SENP6: variants seen among roughly 807,000 people sequenced by gnomAD.
The protein encoded by SENP6 is SUMO specific peptidase 6, also known as sentrin-specific protease 6.
In SENP6, 41 loss-of-function variants were observed where a neutral mutation model predicts 134.5. The ratio of observed to expected loss-of-function variants is 0.30; its 90% CI spans 0.24 to 0.40. SENP6 has a LOEUF of 0.40. SENP6 is among the 10% of genes least tolerant of loss of function. The probability of loss-of-function intolerance (pLI) is 1.00; values close to 1 mark genes in which losing one functional copy is unlikely to be tolerated. For missense variants in SENP6, 1,248 were observed against 1,312.5 expected (o/e 0.95, Z 0.76); for synonymous variants, 395 against 429.8 (o/e 0.92, Z 1.00).
chr6:75,603,885 G>A (rs1238597422), intron 1 of SENP6, among the ~76,000 whole-genome samples: 6 of 152,192 alleles, frequency 3.9e-5, no homozygotes, highest in Non-Finnish European at 7.3e-5. Flanking sequence ...AGATTTCCTA[G>A]TAAGAGTAAG....
chr6:75,641,582 T>A (rs756526656), intron 6 of SENP6, among the ~76,000 whole-genome samples: 36 of 152,162 alleles, frequency 2.4e-4, no homozygotes, highest in Non-Finnish European at 4.7e-4. Flanking sequence ...TAGAGGATAT[T>A]TGAATGGTAT....
At chr6:75,710,646 G>T (rs753079439) in intron 20 of SENP6, among the ~76,000 whole-genome samples, 59 of 152,150 alleles carry the variant, frequency 3.9e-4, no homozygotes, top group Non-Finnish European at 7.4e-5. Flanking sequence ...AGGTACTTTT[G>T]GTTATAGCAG....
intron 16 of SENP6, among the ~76,000 whole-genome samples, 160 bp from the exon 17 acceptor site, chr6:75,695,644 G>A (rs2149894685): frequency 6.6e-6 from 1 of 152,290 alleles, no homozygotes; most frequent in East Asian, 1.9e-4. Context: ...GGCTGAAGCA[G>A]GAGAATCACT....
intron 3 of SENP6, among the ~76,000 whole-genome samples, chr6:75,629,384 C>T (rs1768938976): frequency 6.6e-6 from 1 of 152,094 alleles, no homozygotes; most frequent in African/African-American, 2.4e-5. Context: ...CTGCAACCTT[C>T]GCCTTCCCAG....
At chr6:75,681,234 TTGAG>T (rs902404405) in intron 16 of SENP6, among the ~76,000 whole-genome samples, 2 of 152,112 alleles carry the variant, frequency 1.3e-5, no homozygotes, top group Admixed American at 1.3e-4. Context: ...CCTTGTTACA[TTGAG>T]TAAGTTCTCA....
At chr6:75,644,997 T>C (rs1004062163) in intron 6 of SENP6, among the ~76,000 whole-genome samples, 9 of 152,252 alleles carry the variant, frequency 5.9e-5, no homozygotes, top group Admixed American at 3.9e-4. Context: ...TATCGAACTT[T>C]TAATGAACAG....
intron 5 of SENP6, among the ~76,000 whole-genome samples, chr6:75,638,590 GTATATATATATATATA>G (rs1210762229): frequency 1.6e-5 from 1 of 61,614 alleles, no homozygotes; most frequent in East Asian, 4.3e-4. Context: ...GTGTGTGTGT[GTATATATATATATATA>G]TATATATATA....
intron 1 of SENP6, among the ~76,000 whole-genome samples, chr6:75,605,296 G>C (rs1369896479): frequency 1.3e-5 from 2 of 152,190 alleles, no homozygotes; most frequent in Non-Finnish European, 2.9e-5. Flanking sequence ...GTGTACCACG[G>C]TGAAGTGCAT....
chr6:75,603,666 TGAG>T (rs1447120259), intron 1 of SENP6, among the ~76,000 whole-genome samples: 1 of 152,174 alleles, frequency 6.6e-6, no homozygotes, highest in African/African-American at 2.4e-5. Context: ...AGGAGGGTGT[TGAG>T]GAATGGGAAT....
chr6:75,655,942 G>GC (rs1771290827), intron 7 of SENP6, among the ~76,000 whole-genome samples: 1 of 152,084 alleles, frequency 6.6e-6, no homozygotes, highest in Non-Finnish European at 1.5e-5. Flanking sequence ...AGCTAGGCTG[G>GC]GCGTGGTGGT....
At chr6:75,644,676 T>C (rs1221634825) in intron 6 of SENP6, among the ~76,000 whole-genome samples, 1 of 152,040 alleles carries the variant, frequency 6.6e-6, no homozygotes, top group Non-Finnish European at 1.5e-5. Context: ...GTAGAGACGG[T>C]GTTTCGCCAT....
intron 16 of SENP6, among the ~76,000 whole-genome samples, chr6:75,692,140 G>A (rs1019560705): frequency 2.0e-5 from 3 of 152,160 alleles, no homozygotes; most frequent in Non-Finnish European, 4.4e-5. Flanking sequence ...ACAGGCGTGA[G>A]CCACCGCGCC....
intron 18 of SENP6, 28 bp downstream of exon 18, chr6:75,697,545 A>T: frequency 6.8e-7 from 1 of 1,474,134 alleles, no homozygotes; most frequent in Non-Finnish European, 9.4e-7. Flanking sequence ...TTAAAGGAAA[A>T]TCTTTAAATC....
At chr6:75,661,074 T>G (rs1267418767) in intron 8 of SENP6, among the ~76,000 whole-genome samples, 1 of 152,162 alleles carries the variant, frequency 6.6e-6, no homozygotes, top group East Asian at 1.9e-4. Flanking sequence ...GTATTATTGT[T>G]TCTCGGCCTT....
chr6:75,626,567 C>T (rs1768713955), intron 3 of SENP6, among the ~76,000 whole-genome samples: 1 of 152,080 alleles, frequency 6.6e-6, no homozygotes. Context: ...TTCCCCCAGT[C>T]TTTTGCTATT....
intron 16 of SENP6, among the ~76,000 whole-genome samples, chr6:75,689,299 C>T (rs1774069879): frequency 6.6e-6 from 1 of 152,030 alleles, no homozygotes; most frequent in African/African-American, 2.4e-5. Flanking sequence ...GTGATCCATA[C>T]AAGTGGCCAA....
intron 3 of SENP6, 92 bp from the exon 4 acceptor site, chr6:75,633,489 T>C (rs555812689): frequency 9.2e-7 from 1 of 1,082,574 alleles, no homozygotes; most frequent in Non-Finnish European, 1.3e-6. Flanking sequence ...TAGCTGTATG[T>C]TTTTACTACT....
In SENP6 at chr6:75,602,562, T is replaced by C; in HGVS notation, c.38T>C (p.Ile13Thr). Residue 13 changes from isoleucine (I) to threonine (T), a missense_variant, in exon 1 of 24, where the codon ATT (isoleucine) becomes ACT (threonine). Coordinates refer to ENST00000447266, the MANE Select transcript of SENP6 (RefSeq NM_015571.4). The part of the protein sequence containing the change: ...AGKSGGSAGE[I>T]TFLEALARSE... ...AAGAGCGGCGGTAGCGCAGGGGAGA[T>C]TACTTTTCTGGAAGGTACGTCTGTT... 1.3e-6 allele frequency: 2 copies of C among 1,551,322 alleles called. No individual in the cohort carries two copies. The highest frequency in any genetic ancestry group is 1.7e-6 in the Non-Finnish European group (2 of 1,146,816).
At chr6:75,673,739 TTA>T (rs1369645551) in intron 11 of SENP6, among the ~76,000 whole-genome samples, 3 of 152,056 alleles carry the variant, frequency 2.0e-5, no homozygotes, top group Non-Finnish European at 4.4e-5. Flanking sequence ...TTTAAATGCT[TTA>T]TGTCAGCCAG....
Sources: gnomAD v4.1 joint callset for allele counts (sites outside exome capture counted in the v4.1 genomes callset) on GRCh38, gnomAD v4.1.1 for gene constraint, MANE v1.5 for transcripts, NCBI Gene and HGNC (gene_info 2026-07-23, HGNC 2026-07-21) for gene names.